ODAD2: variants seen among roughly 807,000 people sequenced by gnomAD.
The protein encoded by ODAD2 is outer dynein arm-docking complex subunit 2.
Under a neutral mutation model 106.8 loss-of-function variants are expected in ODAD2, and 89 were observed. That is an observed-to-expected ratio of 0.83 (90% CI 0.70 to 0.99). ODAD2 has a LOEUF of 0.99. Among genes scored for constraint, ODAD2 ranks in the 50% least tolerant of loss-of-function variants. ODAD2 has a pLI of 0.00. For missense variants in ODAD2, 1,168 were observed against 1,238.5 expected (o/e 0.94, Z 0.85); for synonymous variants, 404 against 436.2 (o/e 0.93, Z 0.92).
At chr10:27,936,581 G>A in intron 15 of ODAD2, 145 bp downstream of exon 15, 1 of 948,714 alleles carries the variant, frequency 1.1e-6, no homozygotes, top group Non-Finnish European at 1.6e-6. Flanking sequence ...TCTATTCTAA[G>A]AATCCCTTCA....
intron 15 of ODAD2, 82 bp downstream of exon 15, chr10:27,936,644 C>G: frequency 2.1e-6 from 3 of 1,443,020 alleles, no homozygotes; most frequent in Non-Finnish European, 2.9e-6. Context: ...AGAATTGACT[C>G]CTTACTAGAA....
At chr10:27,862,952 C>T (rs1478538342) in intron 17 of ODAD2, among the ~76,000 whole-genome samples, 1 of 152,146 alleles carries the variant, frequency 6.6e-6, no homozygotes, top group African/African-American at 2.4e-5. Context: ...TTTGTGGTAG[C>T]TTTGTTCTAT....
At chr10:27,924,011 AAAGAAAGAAAG>A (rs1845022860) in intron 16 of ODAD2, among the ~76,000 whole-genome samples, 4 of 115,474 alleles carry the variant, frequency 3.5e-5, no homozygotes, top group Admixed American at 1.6e-4. Context: ...AGAAAGAAAG[AAAGAAAGAAAG>A]AAGGAAAGAG....
intron 1 of ODAD2, among the ~76,000 whole-genome samples, chr10:27,998,284 C>G (rs1850674795): frequency 6.6e-6 from 1 of 152,126 alleles, no homozygotes; most frequent in Admixed American, 6.5e-5. Context: ...TGAACAGGGC[C>G]CTAAGTAAAA....
rs565780886 is a variant in ODAD2 at position 27,827,904 on chromosome 10, T to C, written c.3022-15279A>G. 3.3e-5 allele frequency among the ~76,000 whole-genome samples: 5 copies of C among 152,312 alleles called. No individual in the cohort carries two copies. In the East Asian group the frequency reaches 7.7e-4, roughly 24 times the overall value. On this transcript the variant is annotated intron_variant, in intron 19 of 19. Coordinates refer to ENST00000305242, the MANE Select transcript of ODAD2 (RefSeq NM_018076.5). ...TTCATCTTTAGCTTCTCTTCTTTTTTCTGTGACTATATATTACTTGTGCTA... is the reference window on the plus strand; with the variant it reads ...TTCATCTTTAGCTTCTCTTCTTTTTCCTGTGACTATATATTACTTGTGCTA...
chr10:27,988,935 T>G (rs901165669), intron 2 of ODAD2, among the ~76,000 whole-genome samples: 6 of 152,120 alleles, frequency 3.9e-5, no homozygotes, highest in African/African-American at 1.4e-4. Context: ...ACCAGGGTTC[T>G]TATAAGAGGA....
chr10:27,917,397 T>G (rs1844473843), intron 16 of ODAD2, among the ~76,000 whole-genome samples: 1 of 152,024 alleles, frequency 6.6e-6, no homozygotes, highest in South Asian at 2.1e-4. Context: ...ATGTATACCT[T>G]TAAAAAATTA....
chr10:27,827,008 G>A (rs948315042), intron 19 of ODAD2, among the ~76,000 whole-genome samples: 11 of 151,990 alleles, frequency 7.2e-5, no homozygotes, highest in Admixed American at 2.6e-4. Context: ...ATTCGTAATC[G>A]CTTTGCTATG....
intron 8 of ODAD2, 144 bp downstream of exon 8, chr10:27,970,964 T>G (rs1437202696): frequency 3.1e-6 from 1 of 322,440 alleles, no homozygotes; most frequent in African/African-American, 2.2e-5. Flanking sequence ...AGAGCAAGAC[T>G]CCATCTTAAA....
chr10:27,936,398 G>A (rs1845972878), intron 15 of ODAD2, among the ~76,000 whole-genome samples: 2 of 152,120 alleles, frequency 1.3e-5, no homozygotes, highest in Non-Finnish European at 2.9e-5. Flanking sequence ...AAGATTCCAT[G>A]GGAAATCCGC....
In ODAD2 at chr10:27,943,795, C is replaced by CAAAAAAAA. The variant is rs56059926; in HGVS notation, c.1743+419_1743+426dup. ...GAGCCACAGAAGTGAGGCTCTGTCTCAAAAAAAAAAAAAAAAAAAAAAAAA... is the reference window on the plus strand; with the variant it reads ...GAGCCACAGAAGTGAGGCTCTGTCTCAAAAAAAAAAAAAAAAAAAAAAAAAAAAAAAAA... On this transcript the variant is annotated intron_variant, in intron 12 of 19. Coordinates refer to ENST00000305242, the MANE Select transcript of ODAD2 (RefSeq NM_018076.5). Among the ~76,000 whole-genome samples, 62 of 58,636 alleles carry CAAAAAAAA rather than the reference C, an allele frequency of 1.1e-3. 5 individuals are homozygous for CAAAAAAAA. The highest frequency in any genetic ancestry group is 3.2e-3 in the African/African-American group (42 of 12,930). The allele number at this position is 58,636 out of a possible 152,430, so 38.5% of individuals were successfully genotyped here. A position where few individuals can be genotyped will look rare whatever the true frequency, so the allele number is the denominator to read the frequency against.
At chr10:27,848,819 C>G (rs558877074) in intron 19 of ODAD2, among the ~76,000 whole-genome samples, 1 of 152,264 alleles carries the variant, frequency 6.6e-6, no homozygotes, top group South Asian at 2.1e-4. Context: ...CATCACTGGC[C>G]ATCAGAGAAA....
chr10:27,958,832 A>G, intron 10 of ODAD2: 2 of 1,299,572 alleles, frequency 1.5e-6, no homozygotes, highest in Non-Finnish European at 1.0e-6. Context: ...GGGTTAGTCA[A>G]CTCACCCAAG....
intron 2 of ODAD2, among the ~76,000 whole-genome samples, chr10:27,988,831 C>T (rs1359119920): frequency 1.3e-5 from 2 of 152,100 alleles, no homozygotes; most frequent in Non-Finnish European, 2.9e-5. Context: ...AACATGTCAC[C>T]TTACATGGCA....
At chr10:27,975,424 A>G (rs1220965902) in intron 7 of ODAD2, among the ~76,000 whole-genome samples, 1 of 152,182 alleles carries the variant, frequency 6.6e-6, no homozygotes, top group Non-Finnish European at 1.5e-5. Context: ...CAAATGACCA[A>G]TATTAGGAAT....
chr10:27,885,178 G>C (rs1330451059), intron 17 of ODAD2, among the ~76,000 whole-genome samples: 3 of 151,364 alleles, frequency 2.0e-5, no homozygotes, highest in African/African-American at 7.3e-5. Context: ...AATAAATAAG[G>C]AAAATTATAT....
chr10:27,857,219 ATCCACT>A (rs1317278361), intron 19 of ODAD2, among the ~76,000 whole-genome samples: 1 of 152,112 alleles, frequency 6.6e-6, no homozygotes, highest in Non-Finnish European at 1.5e-5. Context: ...CTTTATGATG[ATCCACT>A]TCCATTTAAT....
chr10:27,892,499 A>G (rs1842626529), intron 17 of ODAD2, among the ~76,000 whole-genome samples: 1 of 152,146 alleles, frequency 6.6e-6, no homozygotes, highest in South Asian at 2.1e-4. Flanking sequence ...TAATGAATGG[A>G]CCGATAATTT....
At chr10:27,924,766 GA>G (rs1845137658) in intron 16 of ODAD2, among the ~76,000 whole-genome samples, 1 of 151,170 alleles carries the variant, frequency 6.6e-6, no homozygotes, top group Non-Finnish European at 1.5e-5. Context: ...TTTGAAAGTT[GA>G]AAGGAAATTG....
Sources: allele counts gnomAD v4.1 joint callset (sites outside exome capture counted in the v4.1 genomes callset), GRCh38; gene constraint gnomAD v4.1.1; transcripts MANE v1.5; gene names NCBI Gene and HGNC (gene_info 2026-07-23, HGNC 2026-07-21).